Variants in LAMA2 observed in about 807,000 individuals in gnomAD.
The protein encoded by LAMA2 is laminin subunit alpha-2.
LAMA2 carries 269 observed loss-of-function variants against 364.8 expected under a neutral mutation model. The ratio of observed to expected loss-of-function variants is 0.74; its 90% CI spans 0.67 to 0.82. LAMA2 has a LOEUF of 0.82. Among genes scored for constraint, LAMA2 ranks in the 40% least tolerant of loss-of-function variants. The pLI is 0.00. For missense variants in LAMA2, 3,807 were observed against 3,873.2 expected (o/e 0.98, Z 0.45); for synonymous variants, 1,379 against 1,370.6 (o/e 1.01, Z -0.14).
intron 39 of LAMA2, among the ~76,000 whole-genome samples, chr6:129,403,057 T>A (rs1317919104): frequency 1.3e-5 from 2 of 152,220 alleles, no homozygotes; most frequent in Non-Finnish European, 2.9e-5. Context: ...ACATTTGACT[T>A]ACAAACAGCC....
chr6:129,388,207 A>C (rs1158707963), intron 35 of LAMA2, among the ~76,000 whole-genome samples: 2 of 151,746 alleles, frequency 1.3e-5, no homozygotes, highest in Non-Finnish European at 2.9e-5. Context: ...AGTGAGCAGA[A>C]ATTGTGCCAC....
Position 129,512,477 on chromosome 6 carries a change from A to C in LAMA2, c.8972A>C (p.Glu2991Ala). The C allele has an allele frequency of 6.2e-7, 1 of 1,613,620 alleles. No homozygotes were observed. Residue 2991 changes from glutamate to alanine, a missense_variant, in exon 63 of 65, where the codon GAA becomes GCA. This residue lies in a region of LAMA2 where 3,333 missense variants were observed against 3,345.7 expected (regional missense o/e 1.00). Coordinates refer to ENST00000421865, the MANE Select transcript of LAMA2 (RefSeq NM_000426.4). ...SSQKMDGMGIEMIDEKLMFHV... is the reference protein window; with the variant it reads ...SSQKMDGMGIAMIDEKLMFHV... ...CAAAAAATGGATGGAATGGGTATTGAAATGATTGATGAAAAGGTGAGTGTC... is the reference window on the plus strand; with the variant it reads ...CAAAAAATGGATGGAATGGGTATTGCAATGATTGATGAAAAGGTGAGTGTC...
intron 45 of LAMA2, among the ~76,000 whole-genome samples, chr6:129,452,669 C>T (rs1187315478): frequency 6.6e-6 from 1 of 152,134 alleles, no homozygotes; most frequent in Non-Finnish European, 1.5e-5. Flanking sequence ...TGTAAAATCA[C>T]CTGCCTAAAA....
chr6:128,989,805 G>C (rs533363837), intron 1 of LAMA2, among the ~76,000 whole-genome samples: 1 of 152,270 alleles, frequency 6.6e-6, no homozygotes, highest in South Asian at 2.1e-4. Flanking sequence ...ATTTCTCACA[G>C]TCTGGAGGCT....
rs1782734649 is a variant in LAMA2, at chr6:129,452,608, T to C, written c.6430-380T>C. Among the ~76,000 whole-genome samples the C allele has an allele frequency of 2.6e-5, 4 of 152,298 alleles. No individual in the cohort carries two copies. In the South Asian group the frequency reaches 8.3e-4, roughly 32 times the overall value. On this transcript the variant is annotated intron_variant, in intron 45 of 64. Transcript: ENST00000421865. Reference sequence around the variant, plus strand: ...GATACCAAAACCGCTGAAATTTCAATTGTAAAATTTCATTAAACAACCTTA... The same window carrying C: ...GATACCAAAACCGCTGAAATTTCAACTGTAAAATTTCATTAAACAACCTTA...
chr6:129,188,457 G>A (rs934602222), intron 10 of LAMA2, among the ~76,000 whole-genome samples: 42 of 151,874 alleles, frequency 2.8e-4, no homozygotes, highest in African/African-American at 8.0e-4. Context: ...TAGACCAAGC[G>A]CATAAGAACA....
At chr6:129,347,905 A>G (rs928302114) in intron 30 of LAMA2, among the ~76,000 whole-genome samples, 5 of 152,190 alleles carry the variant, frequency 3.3e-5, no homozygotes, top group African/African-American at 4.8e-5. Flanking sequence ...TAAACACTTT[A>G]TTATTTTTTT....
At chr6:129,157,738 G>T in intron 8 of LAMA2, 4 of 1,612,010 alleles carry the variant, frequency 2.5e-6, no homozygotes, top group Non-Finnish European at 3.4e-6. Flanking sequence ...GGATCACTCG[G>T]TACCATGTTA....
At chr6:128,956,844 G>A (rs1199874878) in intron 1 of LAMA2, among the ~76,000 whole-genome samples, 1 of 151,958 alleles carries the variant, frequency 6.6e-6, no homozygotes, top group African/African-American at 2.4e-5. Flanking sequence ...AAAATCGAAT[G>A]ATGGTATGAT....
At chr6:129,081,186 C>A (rs548214609) in intron 3 of LAMA2, among the ~76,000 whole-genome samples, 5 of 149,352 alleles carry the variant, frequency 3.3e-5, no homozygotes, top group African/African-American at 1.2e-4. Context: ...AGGTGGGAAA[C>A]GAACAATGAG....
Position 129,465,301 on chromosome 6 carries a change from C to T in LAMA2, c.7300+12C>T, listed in dbSNP as rs201021575. The T allele has an allele frequency of 2.4e-5, 39 of 1,599,700 alleles. No individual in the cohort carries two copies. The East Asian group carries it at 6.3e-4, about 26-fold the overall frequency. ...AATTCAAAAACAAGGTGAGTTTTTA[C>T]AGTAATAATGCAATATAGGCCTTAA... On this transcript the variant is annotated intron_variant, in intron 51 of 64. Coordinates refer to ENST00000421865, the MANE Select transcript of LAMA2 (RefSeq NM_000426.4).
intron 1 of LAMA2, among the ~76,000 whole-genome samples, chr6:129,006,614 A>AT (rs1784453641): frequency 1.3e-5 from 2 of 151,976 alleles, no homozygotes; most frequent in South Asian, 4.1e-4. Context: ...GAATCTAAAT[A>AT]TTTCTGCCCT....
chr6:129,308,087 G>A (rs991214110), intron 22 of LAMA2, among the ~76,000 whole-genome samples: 8 of 152,216 alleles, frequency 5.3e-5, no homozygotes, highest in Admixed American at 5.2e-4. Context: ...CTTCAAGGAA[G>A]TTCAGATGTC....
chr6:129,143,981 T>C lies in LAMA2; in HGVS notation c.720T>C (p.Tyr240=), dbSNP rs773053547. ...TGCTAGAATTTACCTCCGCTCGCTA[T>C]ATTCGCCTGAGATTTCAGAGGATCC... The part of the protein sequence containing the change: ...PELLEFTSAR[Y]IRLRFQRIRT... Residue 240 remains tyrosine (Y), a synonymous_variant, in exon 5 of 65, where the codon TAT becomes TAC. Coordinates refer to ENST00000421865, the MANE Select transcript of LAMA2 (RefSeq NM_000426.4). The C allele has an allele frequency of 1.2e-6, 2 of 1,612,548 alleles. No homozygotes were observed. The highest frequency in any genetic ancestry group is 2.2e-5 in the East Asian group (1 of 44,846).
intron 1 of LAMA2, among the ~76,000 whole-genome samples, chr6:128,890,398 A>C (rs1208590989): frequency 1.3e-5 from 2 of 152,016 alleles, no homozygotes; most frequent in African/African-American, 2.4e-5. Context: ...TTGGACTTTT[A>C]TATATTTATC....
At chr6:129,478,618 C>T (rs981624651) in intron 53 of LAMA2, 75 bp from the exon 54 acceptor site, 1 of 1,518,008 alleles carries the variant, frequency 6.6e-7, no homozygotes, top group African/African-American at 1.4e-5. Context: ...CACAAGGCTT[C>T]CTTCCCATAG....
intron 12 of LAMA2, among the ~76,000 whole-genome samples, chr6:129,210,003 C>CAATAAAAAAAA (rs1782984201): frequency 1.5e-5 from 1 of 67,646 alleles, no homozygotes; most frequent in African/African-American, 4.8e-5. Flanking sequence ...GACTCCATCT[C>CAATAAAAAAAA]AAAAAAAAAA....
rs1296205076 is a variant in LAMA2 at position 129,105,986 on chromosome 6, A to G, written c.639+7571A>G. Among the ~76,000 whole-genome samples, 3 of 152,270 alleles carry G rather than the reference A, an allele frequency of 2.0e-5. 1 individual carries two copies. Among genetic ancestry groups the G allele is most frequent in the Admixed American group, 1.3e-4 (2 of 15,290 alleles). ...TGATTTTGCTTCCATTTCCTCATAC[A>G]GAGGCCTTTAAGTTATTTACATATG... is the stretch of plus-strand genomic sequence containing the variant. On this transcript the variant is annotated intron_variant, in intron 4 of 64. Coordinates refer to ENST00000421865, the MANE Select transcript of LAMA2 (RefSeq NM_000426.4).
intron 12 of LAMA2, among the ~76,000 whole-genome samples, 171 bp from the exon 13 acceptor site, chr6:129,249,941 A>G (rs1441219739): frequency 6.6e-6 from 1 of 152,212 alleles, no homozygotes; most frequent in African/African-American, 2.4e-5. Flanking sequence ...AAGGTTCATA[A>G]AAGGTTACTC....
Sources: gnomAD v4.1 joint callset for allele counts (sites outside exome capture counted in the v4.1 genomes callset) on GRCh38, gnomAD v4.1.1 for gene constraint, gnomAD v4.1.1 regional missense constraint, MANE v1.5 for transcripts, NCBI Gene and HGNC (gene_info 2026-07-23, HGNC 2026-07-21) for gene names.